Variants in ZSWIM8 observed in about 807,000 individuals in gnomAD.
The protein encoded by ZSWIM8 is zinc finger SWIM-type containing 8.
Under a neutral mutation model 173.7 loss-of-function variants are expected in ZSWIM8, and 27 were observed. The ratio of observed to expected loss-of-function variants is 0.16; its 90% CI spans 0.11 to 0.21. ZSWIM8 has a LOEUF of 0.21. ZSWIM8 is among the 10% of genes least tolerant of loss of function. The pLI, the probability that ZSWIM8 is intolerant of heterozygous loss-of-function variation, is 1.00. For synonymous variants in ZSWIM8, 958 were observed against 962.0 expected, an observed-to-expected ratio of 1.00 and a Z score of 0.08; for missense variants, 1,627 against 2,428.8, an observed-to-expected ratio of 0.67 and a Z score of 6.94.
intron 7 of ZSWIM8, 73 bp downstream of exon 7, chr10:73,790,365 C>T: frequency 6.5e-7 from 1 of 1,528,424 alleles, no homozygotes; most frequent in South Asian, 1.3e-5. Context: ...CAGATCCTTT[C>T]TTCTATTCAT....
rs1343870839 is a variant in ZSWIM8, at chr10:73,789,325, G to A, written c.458-42G>A. 13 of 1,560,966 alleles carry A rather than the reference G, an allele frequency of 8.3e-6. No homozygotes were observed. Among genetic ancestry groups the A allele is most frequent in the Non-Finnish European group, 1.0e-5 (12 of 1,151,598 alleles). On this transcript the variant is annotated intron_variant, in intron 3 of 25. Coordinates refer to ENST00000604729, the MANE Select transcript of ZSWIM8 (RefSeq NM_001367799.1). This position sits in a 1 kb window ranked among gnomAD's most constrained non-coding sequence, Gnocchi z 6.8. ...GCCAGGGTCAAGGGCAGAGACCCAG[G>A]TCCTGACAGCACTCCCTGACCATGC... is the stretch of plus-strand genomic sequence containing the variant.
chr10:73,800,359 C>G lies in ZSWIM8; in HGVS notation c.4889C>G (p.Thr1630Ser). ...CAAGGTGCCTCACTGCCTGCCCTGA[C>G]CACACAGCCCAGCCCTCTGGTGAGC... ...AIQGASLPAL[T>S]TQPSPLVSGG... The change falls in exon 23 of 26, where the codon ACC (threonine) becomes AGC (serine). Residue 1630 changes from threonine (T) to serine (S), a missense_variant. Transcript: ENST00000604729. This position sits in a 1 kb window ranked among gnomAD's most constrained non-coding sequence, Gnocchi z 4.1. 1 of 1,613,984 alleles carries G rather than the reference C, an allele frequency of 6.2e-7. No homozygotes were observed. Among genetic ancestry groups the G allele is most frequent in the Non-Finnish European group, 8.5e-7 (1 of 1,179,878 alleles).
intron 20 of ZSWIM8, among the ~76,000 whole-genome samples, chr10:73,798,750 G>A (rs1341653023): frequency 1.3e-5 from 2 of 152,200 alleles, no homozygotes; most frequent in African/African-American, 4.8e-5. Flanking sequence ...ATACATCTAA[G>A]ACTTGAATGG....
In ZSWIM8 at chr10:73,798,302, C is replaced by T. The variant is rs762359827; in HGVS notation, c.4025C>T (p.Pro1342Leu). 2 of 1,614,066 alleles carry T rather than the reference C, an allele frequency of 1.2e-6. No homozygotes were observed. The highest frequency in any genetic ancestry group is 1.7e-6 in the Non-Finnish European group (2 of 1,179,898). ...TGCTGGGATGGGCACCTGACACCCC[C>T]TGAGGTTGCATCCCTGGCTGACAGG... Reference protein sequence around the residue: ...VECWDGHLTPPEVASLADRAS... With the variant: ...VECWDGHLTPLEVASLADRAS... Residue 1342 changes from proline (P) to leucine (L), a missense_variant, in exon 20 of 26, where the codon CCT (proline) becomes CTT (leucine). Pro to Leu is a moderately conservative substitution (Grantham distance 98). Coordinates refer to ENST00000604729, the MANE Select transcript of ZSWIM8 (RefSeq NM_001367799.1).
chr10:73,797,530 G>T lies in ZSWIM8; in HGVS notation c.3587G>T (p.Gly1196Val). Residue 1196 changes from glycine (G) to valine (V), a missense_variant, in exon 18 of 26, where the codon GGC becomes GTC. Coordinates refer to ENST00000604729, the MANE Select transcript of ZSWIM8 (RefSeq NM_001367799.1). The surrounding 1 kb of genome is among the most constrained non-coding windows in gnomAD (Gnocchi z 5.6). Reference sequence around the variant, plus strand: ...AGCAGCTCTTCTTCGGACTCCCTGGGCTCCTCATCCTCCAGTGGAAGTCGC... The same window carrying T: ...AGCAGCTCTTCTTCGGACTCCCTGGTCTCCTCATCCTCCAGTGGAAGTCGC... ...SISSSSSDSL[G>V]SSSSSGSRRA... 1 of 1,613,930 alleles carries T rather than the reference G, an allele frequency of 6.2e-7. No homozygotes were observed. Among genetic ancestry groups the T allele is most frequent in the Non-Finnish European group, 8.5e-7 (1 of 1,179,876 alleles).
chr10:73,794,448 G>A (rs1163017208), intron 13 of ZSWIM8, 93 bp from the exon 14 acceptor site: 1 of 1,555,940 alleles, frequency 6.4e-7, no homozygotes, highest in Non-Finnish European at 8.8e-7. Context: ...AGCTTCATGG[G>A]TAGGTCTGTG....
chr10:73,794,828 T>G (rs1368313196), intron 14 of ZSWIM8, 189 bp downstream of exon 14: 2 of 497,528 alleles, frequency 4.0e-6, no homozygotes, highest in African/African-American at 4.0e-5. Context: ...TGGCCCATGC[T>G]TGTAATCGCA....
chr10:73,790,915 T>A, intron 7 of ZSWIM8, 60 bp from the exon 8 acceptor site: 1 of 1,482,724 alleles, frequency 6.7e-7, no homozygotes. Flanking sequence ...CCGGAAGCCC[T>A]TTTAGGTTTC....
chr10:73,798,993 C>G lies in ZSWIM8; in HGVS notation c.4177-9C>G, dbSNP rs752462022. On this transcript the variant is annotated splice_polypyrimidine_tract_variant and intron_variant, in intron 20 of 25. Coordinates refer to ENST00000604729, the MANE Select transcript of ZSWIM8 (RefSeq NM_001367799.1). ...TTCCCCCTTAACACTCTGTGCCCCT[C>G]TCTTCCAGGACAACCTGATGTTGGA... 3.1e-6 allele frequency: 5 copies of G among 1,600,340 alleles called. No individual in the cohort carries two copies. Among genetic ancestry groups the G allele is most frequent in the Admixed American group, 3.4e-5 (2 of 59,542 alleles).
chr10:73,799,165 G>C lies in ZSWIM8; in HGVS notation c.4340G>C (p.Ser1447Thr). The change falls in exon 21 of 26, where the codon AGT becomes ACT. Residue 1447 changes from serine to threonine, a missense_variant. Ser to Thr is a moderately conservative substitution (Grantham distance 58, BLOSUM62 1). This residue lies in a region of ZSWIM8 where 275 missense variants were observed against 290.1 expected (regional missense o/e 0.95). Transcript: ENST00000604729. ...STAREGATSC[S>T]ASGIRAGGEA... ...GCCCGTGAAGGGGCTACAAGCTGTA[G>C]TGCCAGTGGGATCAGGGCAGGTGGG... 5.0e-6 allele frequency: 8 copies of C among 1,612,394 alleles called. No individual in the cohort carries two copies. The highest frequency in any genetic ancestry group is 6.8e-6 in the Non-Finnish European group (8 of 1,179,188).
chr10:73,799,126 G>C lies in ZSWIM8; in HGVS notation c.4301G>C (p.Gly1434Ala). 1 of 1,613,624 alleles carries C rather than the reference G, an allele frequency of 6.2e-7. No individual in the cohort carries two copies. Among genetic ancestry groups the C allele is most frequent in the Non-Finnish European group, 8.5e-7 (1 of 1,179,718 alleles). ...TTCTGGCTGTATGAGCAAACTGCAG[G>C]TGGCTCATCCACAGCCCGTGAAGGG... The part of the protein sequence containing the change: ...QWFWLYEQTA[G>A]GSSTAREGAT... The change falls in exon 21 of 26, where the codon GGT (glycine) becomes GCT (alanine). Residue 1434 changes from glycine (G) to alanine (A), a missense_variant. Around this residue, in one of 18 missense-constraint regions of ZSWIM8, gnomAD observed 95 missense variants for 271.3 expected, o/e 0.35. Coordinates refer to ENST00000604729, the MANE Select transcript of ZSWIM8 (RefSeq NM_001367799.1).
At chr10:73,788,449 G>C (rs1440374454) in intron 1 of ZSWIM8, among the ~76,000 whole-genome samples, 1 of 152,182 alleles carries the variant, frequency 6.6e-6, no homozygotes, top group Non-Finnish European at 1.5e-5. Context: ...CTTAGGTGTA[G>C]CCGGCTGTGG....
In ZSWIM8 at chr10:73,797,431, C is replaced by T. The variant is rs1233746622; in HGVS notation, c.3488C>T (p.Thr1163Ile). Residue 1163 changes from threonine to isoleucine, a missense_variant, in exon 18 of 26, where the codon ACC (threonine) becomes ATC (isoleucine). Physicochemically the swap from Thr to Ile is moderately conservative, Grantham distance 89. Coordinates refer to ENST00000604729, the MANE Select transcript of ZSWIM8 (RefSeq NM_001367799.1). The surrounding 1 kb of genome is among the most constrained non-coding windows in gnomAD (Gnocchi z 5.6). ...GAAACAACATCGGATAGTTCCCCCA[C>T]CTTAAGCCGGAGACCACTTCGAGGG... ...APETTSDSSPTLSRRPLRGGW... is the reference protein window; with the variant it reads ...APETTSDSSPILSRRPLRGGW... The T allele has an allele frequency of 1.2e-6, 2 of 1,613,960 alleles. No homozygotes were observed. Among genetic ancestry groups the T allele is most frequent in the Non-Finnish European group, 8.5e-7 (1 of 1,179,854 alleles).
rs1225599247 is a variant in ZSWIM8, at chr10:73,794,274, G to A, written c.2753G>A (p.Arg918Gln). Residue 918 changes from arginine (R) to glutamine (Q), a missense_variant, in exon 13 of 26, where the codon CGG becomes CAG. Arg to Gln is a conservative substitution (Grantham distance 43). This residue lies in a region of ZSWIM8 where 169 missense variants were observed against 235.3 expected (regional missense o/e 0.72). Transcript: ENST00000604729. Reference sequence around the variant, plus strand: ...CGGGAGGGGACACTCTGTGACTATCGGCCTGTGTTGCCTCTCATGCTGGCC... The same window carrying A: ...CGGGAGGGGACACTCTGTGACTATCAGCCTGTGTTGCCTCTCATGCTGGCC... ...ELREGTLCDY[R>Q]PVLPLMLASF... The A allele has an allele frequency of 5.0e-6, 8 of 1,613,830 alleles. No homozygotes were observed. Among genetic ancestry groups the A allele is most frequent in the East Asian group, 2.2e-5 (1 of 44,892 alleles).
In ZSWIM8 at chr10:73,794,144, C is replaced by T. The variant is rs370402122; in HGVS notation, c.2626-3C>T. 1.2e-6 allele frequency: 2 copies of T among 1,613,786 alleles called. No homozygotes were observed. The highest frequency in any genetic ancestry group is 2.2e-5 in the East Asian group (1 of 44,888). ...AGGTCTGAGCTCCTTCCTGTGCCCT[C>T]AGGTGAAGCTGGCATACCAGGAGTC... is the stretch of plus-strand genomic sequence containing the variant. On this transcript the variant is annotated splice_region_variant and splice_polypyrimidine_tract_variant and intron_variant, in intron 12 of 25. Transcript: ENST00000604729.
In ZSWIM8 at chr10:73,791,219, T is replaced by A. The variant is rs1589561987; in HGVS notation, c.1143+43T>A. ...GGGAGCCCCGTGGTAGCTCATTCTT[T>A]CCCTCCCCCTGCCTCATCCTCCTCT... On this transcript the variant is annotated intron_variant, in intron 8 of 25. Coordinates refer to ENST00000604729, the MANE Select transcript of ZSWIM8 (RefSeq NM_001367799.1). This position sits in a 1 kb window ranked among gnomAD's most constrained non-coding sequence, Gnocchi z 6.0. 1 of 1,568,496 alleles carries A rather than the reference T, an allele frequency of 6.4e-7. No homozygotes were observed. The highest frequency in any genetic ancestry group is 1.3e-5 in the African/African-American group (1 of 74,128).
rs139808489 is a variant in ZSWIM8, at chr10:73,789,363, C to G, written c.458-4C>G. On this transcript the variant is annotated splice_polypyrimidine_tract_variant and splice_region_variant and intron_variant, in intron 3 of 25. Coordinates refer to ENST00000604729, the MANE Select transcript of ZSWIM8 (RefSeq NM_001367799.1). This position sits in a 1 kb window ranked among gnomAD's most constrained non-coding sequence, Gnocchi z 6.8. ...TCCCTGACCATGCCCCCATTTCTCC[C>G]CAGGGTTCCACCTGAGTGCTACAGT... 5.4e-3 allele frequency: 8,454 copies of G among 1,554,238 alleles called. 739 individuals carry two copies. The Admixed American group carries it at 0.15, about 27-fold the overall frequency.
At chr10:73,798,134 CTT>C in intron 19 of ZSWIM8, 64 bp downstream of exon 19, 1 of 1,594,634 alleles carries the variant, frequency 6.3e-7, no homozygotes, top group Non-Finnish European at 8.6e-7. Flanking sequence ...AGACCCTTAT[CTT>C]TGTGGGGTTA....
rs184753630 is a variant in ZSWIM8, at chr10:73,793,893, G to A, written c.2474G>A (p.Arg825His). 2.2e-3 allele frequency: 3,488 copies of A among 1,612,160 alleles called. 9 individuals are homozygous for A. Among genetic ancestry groups the A allele is most frequent in the Non-Finnish European group, 2.7e-3 (3,242 of 1,179,304 alleles). Residue 825 changes from arginine to histidine, a missense_variant, in exon 12 of 26, where the codon CGT becomes CAT. Physicochemically the swap from Arg to His is conservative, Grantham distance 29 (BLOSUM62 0). Around this residue, in one of 18 missense-constraint regions of ZSWIM8, gnomAD observed 169 missense variants for 235.3 expected, o/e 0.72. Transcript: ENST00000604729. ...KGKKNKVSTS[R>H]QTWVATNTLS... ...AAGAAGAACAAGGTATCCACGAGCC[G>A]TCAGACCTGGGTGGCTACCAACACC...
Sources: allele counts gnomAD v4.1 joint callset (sites outside exome capture counted in the v4.1 genomes callset), GRCh38; gene constraint gnomAD v4.1.1; regional missense constraint gnomAD v4.1.1; non-coding constraint Gnocchi (gnomAD v3.1); transcripts MANE v1.5; gene names NCBI Gene and HGNC (gene_info 2026-07-23, HGNC 2026-07-21).